RAB5IF: variants seen among roughly 807,000 people sequenced by gnomAD.
RAB5IF encodes RAB5 interacting factor.
In RAB5IF, 15 loss-of-function variants were observed where a neutral mutation model predicts 20.3. The observed-to-expected ratio is 0.74, with a 90% CI of 0.50 to 1.14. RAB5IF has a LOEUF of 1.14. Among genes scored for constraint, RAB5IF ranks in the 50% most tolerant of loss-of-function variants. The pLI, the probability that RAB5IF is intolerant of heterozygous loss-of-function variation, is 0.00. For missense variants in RAB5IF, 148 were observed against 159.5 expected, an observed-to-expected ratio of 0.93 and a Z score of 0.39; for synonymous variants, 67 against 63.7, an observed-to-expected ratio of 1.05 and a Z score of -0.25.
At chr20:36,607,657 T>A in intron 1 of RAB5IF, 58 bp from the exon 2 acceptor site, 1 of 1,599,324 alleles carries the variant, frequency 6.3e-7, no homozygotes, top group Non-Finnish European at 8.6e-7. Flanking sequence ...ATTCTCCCCT[T>A]TTGCTGTCTT....
In RAB5IF at chr20:36,605,825, C is replaced by G; in HGVS notation, c.-127C>G. 1 of 462,514 alleles carries G rather than the reference C, an allele frequency of 2.2e-6. No homozygotes were observed. The highest frequency in any genetic ancestry group is 3.6e-6 in the Non-Finnish European group (1 of 274,138). 28.7% of individuals were successfully genotyped at this position (462,514 alleles called of 1,614,324 possible). On this transcript the variant is annotated 5_prime_UTR_variant, in exon 1 of 4. Coordinates refer to ENST00000344795, the MANE Select transcript of RAB5IF (RefSeq NM_018840.5). Reference sequence around the variant, plus strand: ...AGCTTGGCCAGGTTGTGAGGAACCGCAGCGCGCCGCAGGACCGGGCCGCTG... The same window carrying G: ...AGCTTGGCCAGGTTGTGAGGAACCGGAGCGCGCCGCAGGACCGGGCCGCTG...
At position 36,612,258 on chromosome 20, in the gene RAB5IF, T is replaced by A; in HGVS notation, c.*207T>A. ...AAAACCACCCACCTTTGGGGAAGCA[T>A]TTCTGAATTTATCCATCACCAACCA... On this transcript the variant is annotated 3_prime_UTR_variant, in exon 4 of 4. Transcript: ENST00000344795. 1 of 1,596,340 alleles carries A rather than the reference T, an allele frequency of 6.3e-7. No homozygotes were observed. Among genetic ancestry groups the A allele is most frequent in the Non-Finnish European group, 8.6e-7 (1 of 1,163,976 alleles).
At chr20:36,611,970 A>T (rs2039134706) in intron 3 of RAB5IF, 40 bp from the exon 4 acceptor site, 4 of 1,610,980 alleles carry the variant, frequency 2.5e-6, no homozygotes, top group Non-Finnish European at 3.4e-6. Context: ...GGCCTGTGTT[A>T]AGCCAGGTGA....
At chr20:36,609,183 ACACACACACACG>A (rs2039021299) in intron 2 of RAB5IF, among the ~76,000 whole-genome samples, 1 of 43,852 alleles carries the variant, frequency 2.3e-5, no homozygotes, top group Non-Finnish European at 4.4e-5. Flanking sequence ...ACACACACAC[ACACACACACACG>A]CACACACGCA....
intron 2 of RAB5IF, among the ~76,000 whole-genome samples, chr20:36,609,248 CACACACACTA>C (rs1568595752): frequency 2.0e-4 from 27 of 135,240 alleles, no homozygotes; most frequent in African/African-American, 8.0e-4. Context: ...CACACACACA[CACACACACTA>C]TATATAGAGT....
chr20:36,611,889 TG>T lies in RAB5IF; in HGVS notation c.349-120del, dbSNP rs554104893. On this transcript the variant is annotated intron_variant, in intron 3 of 3. Transcript: ENST00000344795. ...AATAATTTAGACCCCCCAAGCAGACTGTGCAACGGATAGCCCCTGGAGAGTG... is the reference window on the plus strand; with the variant it reads ...AATAATTTAGACCCCCCAAGCAGACTTGCAACGGATAGCCCCTGGAGAGTG... 1.5e-4 allele frequency: 197 copies of T among 1,293,542 alleles called. 1 individual carries two copies. The South Asian group carries it at 2.2e-3, about 14-fold the overall frequency. The allele number at this position is 1,293,542 out of a possible 1,614,324, so 80.1% of individuals were successfully genotyped here. A position where few individuals can be genotyped will look rare whatever the true frequency, so the allele number is the denominator to read the frequency against.
intron 2 of RAB5IF, among the ~76,000 whole-genome samples, chr20:36,608,641 G>T (rs1044833090): frequency 6.8e-6 from 1 of 146,276 alleles, no homozygotes; most frequent in African/African-American, 2.5e-5. Context: ...TCGGCTCACT[G>T]CAACCTCTAC....
chr20:36,608,751 G>T (rs980029317), intron 2 of RAB5IF, among the ~76,000 whole-genome samples: 1 of 151,512 alleles, frequency 6.6e-6, no homozygotes, highest in Non-Finnish European at 1.5e-5. Flanking sequence ...TTTTAGTAGC[G>T]ACGGGGTTTC....
At chr20:36,610,042 G>C (rs2039070540) in intron 3 of RAB5IF, among the ~76,000 whole-genome samples, 1 of 152,362 alleles carries the variant, frequency 6.6e-6, no homozygotes, top group Admixed American at 6.5e-5. Flanking sequence ...CAGCATTTTG[G>C]GAGGGCAAGG....
intron 2 of RAB5IF, among the ~76,000 whole-genome samples, chr20:36,609,203 G>GCACACA (rs1568595543): frequency 2.9e-5 from 1 of 34,612 alleles, no homozygotes; most frequent in Non-Finnish European, 5.4e-5. Context: ...ACGCACACAC[G>GCACACA]CACACACGCA....
At chr20:36,609,180 C>CT (rs2039019922) in intron 2 of RAB5IF, among the ~76,000 whole-genome samples, 1 of 35,398 alleles carries the variant, frequency 2.8e-5, no homozygotes. Flanking sequence ...CACACACACA[C>CT]ACACACACAC....
At chr20:36,609,485 C>T in intron 2 of RAB5IF, 116 bp from the exon 3 acceptor site, 1 of 1,426,538 alleles carries the variant, frequency 7.0e-7, no homozygotes, top group Non-Finnish European at 9.3e-7. Flanking sequence ...AGTGATCCGC[C>T]CACCTCAGCC....
In RAB5IF at chr20:36,607,837, A is replaced by G. The variant is rs767825239; in HGVS notation, c.218+19A>G. On this transcript the variant is annotated intron_variant, in intron 2 of 3. Coordinates refer to ENST00000344795, the MANE Select transcript of RAB5IF (RefSeq NM_018840.5). ...TAGCAGGGTAAGTCTTGGGTATCTT[A>G]TATTTTCATGGTATCATTTCTTTTT... is the stretch of plus-strand genomic sequence containing the variant. 9 of 1,612,942 alleles carry G rather than the reference A, an allele frequency of 5.6e-6. No individual in the cohort carries two copies. In the Admixed American group the frequency reaches 8.3e-5, roughly 15 times the overall value.
chr20:36,612,073 T>C lies in RAB5IF; in HGVS notation c.*22T>C. On this transcript the variant is annotated 3_prime_UTR_variant, in exon 4 of 4. Transcript: ENST00000344795. Reference sequence around the variant, plus strand: ...CTGATGGTGTACAGCTCCCAAGTGCTCCCTATCCAGTCCAAAGGACCCTCT... The same window carrying C: ...CTGATGGTGTACAGCTCCCAAGTGCCCCCTATCCAGTCCAAAGGACCCTCT... The C allele has an allele frequency of 6.2e-7, 1 of 1,614,188 alleles. No individual in the cohort carries two copies. The highest frequency in any genetic ancestry group is 8.5e-7 in the Non-Finnish European group (1 of 1,180,038).
Position 36,607,832 on chromosome 20 carries a change from A to G in RAB5IF, c.218+14A>G. On this transcript the variant is annotated intron_variant, in intron 2 of 3. Coordinates refer to ENST00000344795, the MANE Select transcript of RAB5IF (RefSeq NM_018840.5). ...GGGAATAGCAGGGTAAGTCTTGGGT[A>G]TCTTATATTTTCATGGTATCATTTC... The G allele has an allele frequency of 5.0e-6, 8 of 1,612,916 alleles. No individual in the cohort carries two copies. The highest frequency in any genetic ancestry group is 6.8e-6 in the Non-Finnish European group (8 of 1,179,268).
intron 3 of RAB5IF, among the ~76,000 whole-genome samples, chr20:36,610,423 C>T (rs545413264): frequency 1.3e-5 from 2 of 151,794 alleles, no homozygotes; most frequent in South Asian, 2.1e-4. Context: ...ATGAAGTGGC[C>T]GGGCGCGGTC....
chr20:36,611,439 A>G (rs1295192444), intron 3 of RAB5IF, among the ~76,000 whole-genome samples: 1 of 141,438 alleles, frequency 7.1e-6, no homozygotes, highest in African/African-American at 2.9e-5. Context: ...CTACAGGGGA[A>G]AAAAAAAAAT....
Position 36,609,192 on chromosome 20 carries a change from C to T in RAB5IF, c.219-409C>T, listed in dbSNP as rs1299293606. On this transcript the variant is annotated intron_variant, in intron 2 of 3. Transcript: ENST00000344795. ...ACACACACACACACACACACACACA[C>T]ACGCACACACGCACACACGCACACA... Among the ~76,000 whole-genome samples, 91 of 52,232 alleles carry T rather than the reference C, an allele frequency of 1.7e-3. 1 individual carries two copies. Among genetic ancestry groups the T allele is most frequent in the Non-Finnish European group, 2.6e-3 (71 of 27,516 alleles). The allele number at this position is 52,232 out of a possible 152,430, so 34.3% of individuals were successfully genotyped here. A position where few individuals can be genotyped will look rare whatever the true frequency, so the allele number is the denominator to read the frequency against.
At position 36,612,171 on chromosome 20, in the gene RAB5IF, A is replaced by G; in HGVS notation, c.*120A>G. 6.2e-7 allele frequency: 1 copy of G among 1,614,182 alleles called. No homozygotes were observed. The highest frequency in any genetic ancestry group is 1.1e-5 in the South Asian group (1 of 91,078). On this transcript the variant is annotated 3_prime_UTR_variant, in exon 4 of 4. Coordinates refer to ENST00000344795, the MANE Select transcript of RAB5IF (RefSeq NM_018840.5). ...AACTTGGAAGACCCGTGTTTCCTGG[A>G]CCGCGAATCAGTGTGTTGGGCATCA...
Sources: allele counts gnomAD v4.1 joint callset (sites outside exome capture counted in the v4.1 genomes callset), GRCh38; gene constraint gnomAD v4.1.1; transcripts MANE v1.5; gene names NCBI Gene and HGNC (gene_info 2026-07-23, HGNC 2026-07-21).